Variants in FTO observed in about 807,000 individuals in gnomAD.
The protein encoded by FTO is FTO alpha-ketoglutarate dependent dioxygenase, also known as alpha-ketoglutarate-dependent dioxygenase FTO.
Under a neutral mutation model 63.9 loss-of-function variants are expected in FTO, and 47 were observed. The ratio of observed to expected loss-of-function variants is 0.74; its 90% confidence interval spans 0.58 to 0.94. The LOEUF is 0.94. Among genes scored for constraint, FTO ranks in the 40% least tolerant of loss-of-function variants. The pLI is 0.00. For synonymous variants in FTO, 207 were observed against 224.4 expected, an observed-to-expected ratio of 0.92 and a Z score of 0.69; for missense variants, 562 against 618.1, an observed-to-expected ratio of 0.91 and a Z score of 0.96.
At chr16:54,069,488 G>A (rs1006266724) in intron 8 of FTO, among the ~76,000 whole-genome samples, 16 of 152,076 alleles carry the variant, frequency 1.1e-4, no homozygotes, top group African/African-American at 2.9e-4. Flanking sequence ...GAAATTATAC[G>A]TTCCATGGGG....
chr16:53,902,104 A>G (rs2081419475), intron 7 of FTO, among the ~76,000 whole-genome samples: 1 of 152,222 alleles, frequency 6.6e-6, no homozygotes, highest in Admixed American at 6.5e-5. Flanking sequence ...ATTATTGCTC[A>G]TAATGCCAGA....
At chr16:53,724,221 C>T (rs768809316) in intron 1 of FTO, among the ~76,000 whole-genome samples, 22 of 152,290 alleles carry the variant, frequency 1.4e-4, no homozygotes, top group Admixed American at 3.9e-4. Flanking sequence ...CTAATTCATT[C>T]CCCAGACATT....
At chr16:53,991,970 C>T (rs1312991041) in intron 8 of FTO, 1 of 152,172 alleles carries the variant, frequency 6.6e-6, no homozygotes, top group Non-Finnish European at 1.5e-5. Context: ...TCCCCGCCTC[C>T]ACCCAGCCCC....
chr16:53,942,271 A>T (rs1005882033), intron 8 of FTO, among the ~76,000 whole-genome samples: 7 of 152,192 alleles, frequency 4.6e-5, no homozygotes, highest in South Asian at 2.1e-4. Flanking sequence ...TTAAGCCCCA[A>T]CATGGTACCA....
chr16:53,743,623 AG>A (rs1046090485), intron 1 of FTO, among the ~76,000 whole-genome samples: 9 of 150,180 alleles, frequency 6.0e-5, no homozygotes, highest in Middle Eastern at 6.8e-3. Flanking sequence ...AGATAATTTT[AG>A]GCACAATTTT....
chr16:53,928,291 A>C (rs2143138100), intron 7 of FTO, among the ~76,000 whole-genome samples: 1 of 152,154 alleles, frequency 6.6e-6, no homozygotes, highest in South Asian at 2.1e-4. Flanking sequence ...CGTTTCCTAA[A>C]CCTGTGGGGG....
intron 1 of FTO, among the ~76,000 whole-genome samples, chr16:53,750,662 G>T (rs2076767358): frequency 6.6e-6 from 1 of 152,214 alleles, no homozygotes; most frequent in Non-Finnish European, 1.5e-5. Context: ...TACAGAAGAA[G>T]TTTGCTGACC....
intron 8 of FTO, among the ~76,000 whole-genome samples, chr16:54,105,047 C>T (rs1041148920): frequency 3.3e-5 from 5 of 152,032 alleles, no homozygotes; most frequent in South Asian, 4.2e-4. Flanking sequence ...TCACATAACC[C>T]GGTAAAGCAG....
At chr16:53,840,297 T>G (rs2079437966) in intron 3 of FTO, among the ~76,000 whole-genome samples, 1 of 152,190 alleles carries the variant, frequency 6.6e-6, no homozygotes, top group Admixed American at 6.5e-5. Flanking sequence ...ATAAACATAA[T>G]TTTTATATCA....
chr16:53,760,621 C>CTTTTTTTTTT (rs1169039527), intron 1 of FTO, among the ~76,000 whole-genome samples: 1 of 112,038 alleles, frequency 8.9e-6, no homozygotes, highest in Non-Finnish European at 1.8e-5. Flanking sequence ...TGCTTGCTTT[C>CTTTTTTTTTT]TTTTTTTTTT....
chr16:53,826,476 A>G lies in FTO; in HGVS notation c.736A>G (p.Ser246Gly). The G allele has an allele frequency of 1.2e-6, 2 of 1,614,154 alleles. No homozygotes were observed. Among genetic ancestry groups the G allele is most frequent in the South Asian group, 1.1e-5 (1 of 91,074 alleles). ...LVDRSAVAVY[S>G]YSCEGPEEES... ...GGACAGGTCAGCGGTGGCAGTGTAC[A>G]GTTATAGCTGTGAAGGTACAGTCTG... is the stretch of plus-strand genomic sequence containing the variant. Residue 246 changes from serine to glycine, a missense_variant, in exon 3 of 9, where the codon AGT (serine) becomes GGT (glycine). Physicochemically the swap from Ser to Gly is moderately conservative, Grantham distance 56 (BLOSUM62 0). Coordinates refer to ENST00000471389, the MANE Select transcript of FTO (RefSeq NM_001080432.3).
intron 8 of FTO, among the ~76,000 whole-genome samples, chr16:54,016,917 CAG>C (rs1259200286): frequency 5.9e-5 from 9 of 152,068 alleles, no homozygotes; most frequent in African/African-American, 1.7e-4. Flanking sequence ...CTTCTCAAAC[CAG>C]AGATTTATAT....
At chr16:54,106,000 G>A (rs1167096169) in intron 8 of FTO, among the ~76,000 whole-genome samples, 2 of 152,024 alleles carry the variant, frequency 1.3e-5, no homozygotes, top group African/African-American at 2.4e-5. Flanking sequence ...AAAACCTATT[G>A]ATTAAAAACA....
chr16:54,078,410 T>C (rs532529964), intron 8 of FTO, among the ~76,000 whole-genome samples: 281 of 147,682 alleles, frequency 1.9e-3, no homozygotes, highest in African/African-American at 6.4e-3. Flanking sequence ...ATAATATACA[T>C]AAATTATAAA....
chr16:53,776,558 A>G (rs145287240), intron 1 of FTO, among the ~76,000 whole-genome samples: 1 of 152,290 alleles, frequency 6.6e-6, no homozygotes, highest in East Asian at 1.9e-4. Context: ...ACCTATCAAT[A>G]TTTACTGTAC....
rs190135532 is a variant in FTO at position 53,704,383 on chromosome 16, A to G, written c.45+154A>G. On this transcript the variant is annotated intron_variant, in intron 1 of 8. Transcript: ENST00000471389. The stretch of plus-strand genomic sequence containing the variant: ...AAGGGACCTGGAGATATTAGAGGGG[A>G]TGTTACAAATTCGTGCTCTTCAGGA... Among the ~76,000 whole-genome samples, 5 of 152,280 alleles carry G rather than the reference A, an allele frequency of 3.3e-5. No individual in the cohort carries two copies. The East Asian group carries it at 9.7e-4, about 29-fold the overall frequency.
chr16:53,877,210 A>G (rs1020147246), intron 5 of FTO, among the ~76,000 whole-genome samples: 31 of 152,202 alleles, frequency 2.0e-4, no homozygotes, highest in African/African-American at 7.2e-4. Flanking sequence ...ATGACACAGC[A>G]ATTCCATGCC....
intron 8 of FTO, among the ~76,000 whole-genome samples, chr16:54,033,619 C>T (rs1347193724): frequency 2.0e-5 from 3 of 151,964 alleles, no homozygotes; most frequent in Non-Finnish European, 2.9e-5. Context: ...AAGTTCAAGA[C>T]CAGCCTGGGC....
At chr16:53,820,735 T>G (rs950543986) in intron 2 of FTO, among the ~76,000 whole-genome samples, 1 of 151,776 alleles carries the variant, frequency 6.6e-6, no homozygotes, top group Non-Finnish European at 1.5e-5. Context: ...GGTGTTTGGT[T>G]TTTTGTTCTT....
Sources: gnomAD v4.1 joint callset for allele counts (sites outside exome capture counted in the v4.1 genomes callset) on GRCh38, gnomAD v4.1.1 for gene constraint, MANE v1.5 for transcripts, NCBI Gene and HGNC (gene_info 2026-07-23, HGNC 2026-07-21) for gene names.